ZDHHC15: variants seen among roughly 807,000 people sequenced by gnomAD.
The protein encoded by ZDHHC15 is zDHHC palmitoyltransferase 15, also known as palmitoyltransferase ZDHHC15.
A neutral mutation model predicts 31.7 loss-of-function variants in ZDHHC15; 19 were observed. The observed-to-expected ratio is 0.60, with a 90% CI of 0.42 to 0.88. The LOEUF is 0.88. Ranked by LOEUF, ZDHHC15 falls within the 40% of genes least tolerant of loss-of-function variation. The pLI is 0.00. For synonymous variants in ZDHHC15, 103 were observed against 90.0 expected (o/e 1.14, Z -0.82); for missense variants, 209 against 251.2 (o/e 0.83, Z 1.14).
chrX:75,392,479 C>A (rs1323869959), intron 10 of ZDHHC15, among the ~76,000 whole-genome samples: 1 of 112,014 alleles, frequency 8.9e-6, no homozygotes, highest in Non-Finnish European at 1.9e-5. Context: ...TCAGTCCAAT[C>A]AAGTTGACCA....
Position 75,424,755 on chromosome X carries a change from G to A in ZDHHC15, c.633C>T (p.Phe211=). 8.3e-7 allele frequency: 1 copy of A among 1,203,086 alleles called. No homozygotes were observed. The highest frequency in any genetic ancestry group is 1.1e-6 in the Non-Finnish European group (1 of 891,623). The stretch of plus-strand genomic sequence containing the variant: ...CCACAAAGAGAAGAAAAAGGACATG[G>A]AACTTAGAGCGAACACTGGGTAATT... ...RGELPSVRSK[F]HVLFLLFVAC... is the part of the protein sequence containing the mutation. Residue 211 remains phenylalanine (F), a synonymous_variant, in exon 8 of 12, where the codon TTC becomes TTT. Coordinates refer to ENST00000373367, the MANE Select transcript of ZDHHC15 (RefSeq NM_144969.3).
intron 1 of ZDHHC15, among the ~76,000 whole-genome samples, chrX:75,522,013 C>A (rs2085449292): frequency 9.0e-6 from 1 of 111,077 alleles, no homozygotes; most frequent in African/African-American, 3.3e-5. Context: ...CATCATGTGA[C>A]AATAGCAGGG....
At position 75,383,734 on chromosome X, in the gene ZDHHC15, G is replaced by GTTTTTTT. The variant is rs541238663; in HGVS notation, c.968-4537_968-4536insAAAAAAA. ...ACTACCCCAAATTTAAGAAATGTTA[G>GTTTTTTT]GTTTTTTTTTTTTTTTTTTTTTGAG... On this transcript the variant is annotated intron_variant, in intron 10 of 11. Transcript: ENST00000373367. Among the ~76,000 whole-genome samples the GTTTTTTT allele has an allele frequency of 5.8e-4, 45 of 77,772 alleles. 8 individuals are homozygous for GTTTTTTT. The highest frequency in any genetic ancestry group is 7.9e-4 in the Admixed American group (4 of 5,072). The allele number at this position is 77,772 out of a possible 115,157, so 67.5% of individuals were successfully genotyped here. A position where few individuals can be genotyped will look rare whatever the true frequency, so the allele number is the denominator to read the frequency against.
At chrX:75,396,122 C>T (rs2083296515) in intron 10 of ZDHHC15, among the ~76,000 whole-genome samples, 1 of 111,808 alleles carries the variant, frequency 8.9e-6, no homozygotes, top group Non-Finnish European at 1.9e-5. Context: ...AACACACAGG[C>T]AACCAAAGCA....
intron 10 of ZDHHC15, among the ~76,000 whole-genome samples, 195 bp downstream of exon 10, chrX:75,416,892 G>A (rs1256150799): frequency 9.0e-6 from 1 of 111,428 alleles, no homozygotes; most frequent in African/African-American, 3.3e-5. Flanking sequence ...AAGCTGGTAA[G>A]GAGCCTCCCA....
intron 2 of ZDHHC15, among the ~76,000 whole-genome samples, chrX:75,503,230 G>C (rs902034677): frequency 1.8e-5 from 2 of 110,669 alleles, no homozygotes; most frequent in Non-Finnish European, 3.8e-5. Flanking sequence ...CAGATGATCT[G>C]AGCTTTAGTC....
At chrX:75,483,634 AC>A (rs942850580) in intron 2 of ZDHHC15, among the ~76,000 whole-genome samples, 2 of 111,999 alleles carry the variant, frequency 1.8e-5, no homozygotes, top group Non-Finnish European at 3.8e-5. Flanking sequence ...GATAACGCCT[AC>A]CCACAAGTTT....
chrX:75,484,536 C>T (rs750729305), intron 2 of ZDHHC15, among the ~76,000 whole-genome samples: 7 of 111,949 alleles, frequency 6.3e-5, no homozygotes, highest in African/African-American at 1.9e-4. Flanking sequence ...GAAACTATCA[C>T]CACCACCAAC....
At chrX:75,418,690 A>T (rs897915463) in intron 9 of ZDHHC15, among the ~76,000 whole-genome samples, 1 of 112,206 alleles carries the variant, frequency 8.9e-6, no homozygotes, top group Non-Finnish European at 1.9e-5. Flanking sequence ...ACCTTTGACA[A>T]AAACAAGCAA....
At chrX:75,422,464 C>T (rs2083658015) in intron 8 of ZDHHC15, among the ~76,000 whole-genome samples, 1 of 111,920 alleles carries the variant, frequency 8.9e-6, no homozygotes, top group Admixed American at 9.5e-5. Flanking sequence ...TGAAAGTGTT[C>T]ATGCTGAAGC....
chrX:75,491,790 A>G (rs1405431864), intron 2 of ZDHHC15, among the ~76,000 whole-genome samples: 1 of 110,935 alleles, frequency 9.0e-6, no homozygotes, highest in Admixed American at 9.6e-5. Context: ...TCCTGAAGGA[A>G]GCGCTAAACA....
At chrX:75,492,906 G>C (rs1291700955) in intron 2 of ZDHHC15, among the ~76,000 whole-genome samples, 1 of 111,487 alleles carries the variant, frequency 9.0e-6, no homozygotes, top group African/African-American at 3.3e-5. Context: ...TCAAAAGCTA[G>C]CAGAAGGCAA....
intron 2 of ZDHHC15, among the ~76,000 whole-genome samples, chrX:75,496,085 C>A (rs1055554938): frequency 9.9e-5 from 11 of 110,919 alleles, no homozygotes; most frequent in Admixed American, 9.7e-4. Flanking sequence ...ATCTACCACT[C>A]AAGTATCTCC....
chrX:75,429,984 C>A lies in ZDHHC15; in HGVS notation c.450-4G>T. On this transcript the variant is annotated splice_region_variant and splice_polypyrimidine_tract_variant and intron_variant, in intron 5 of 11. Coordinates refer to ENST00000373367, the MANE Select transcript of ZDHHC15 (RefSeq NM_144969.3). ...ATGATCCATTTTTAACACACACCTACGAAGGGGACAAAATACAGTGTGATA... is the reference window on the plus strand; with the variant it reads ...ATGATCCATTTTTAACACACACCTAAGAAGGGGACAAAATACAGTGTGATA... 2 of 1,206,832 alleles carry A rather than the reference C, an allele frequency of 1.7e-6. No homozygotes were observed. The highest frequency in any genetic ancestry group is 1.1e-6 in the Non-Finnish European group (1 of 892,622).
chrX:75,522,475 C>T (rs1446769418), intron 1 of ZDHHC15, among the ~76,000 whole-genome samples: 1 of 111,147 alleles, frequency 9.0e-6, no homozygotes, highest in Non-Finnish European at 1.9e-5. Flanking sequence ...TGGTGGGGCT[C>T]CTAGTTGGAT....
intron 3 of ZDHHC15, among the ~76,000 whole-genome samples, chrX:75,461,106 G>A (rs776647615): frequency 8.9e-6 from 1 of 111,813 alleles, no homozygotes; most frequent in Admixed American, 9.5e-5. Flanking sequence ...CCGACATGAC[G>A]GAGCTAGAAA....
At chrX:75,490,641 T>G (rs1038677674) in intron 2 of ZDHHC15, among the ~76,000 whole-genome samples, 1 of 111,560 alleles carries the variant, frequency 9.0e-6, no homozygotes, top group Non-Finnish European at 1.9e-5. Flanking sequence ...TGTTCTTCCA[T>G]TTGTTTGTAT....
chrX:75,427,395 C>A (rs1456843172), intron 7 of ZDHHC15, among the ~76,000 whole-genome samples: 1 of 111,999 alleles, frequency 8.9e-6, no homozygotes, highest in Non-Finnish European at 1.9e-5. Context: ...CAAATATTAT[C>A]TTTCAAGAAT....
rs1226843333 is a variant in ZDHHC15, at chrX:75,369,796, T to C, written c.*3182A>G. On this transcript the variant is annotated 3_prime_UTR_variant, in exon 12 of 12. Coordinates refer to ENST00000373367, the MANE Select transcript of ZDHHC15 (RefSeq NM_144969.3). ...GTGACTCTTTCAGAATGTGATCCTGTTGTAATTACTCTCAAAATTCTAACT... is the reference window on the plus strand; with the variant it reads ...GTGACTCTTTCAGAATGTGATCCTGCTGTAATTACTCTCAAAATTCTAACT... 2 of 112,149 alleles carry C rather than the reference T, an allele frequency of 1.8e-5. No homozygotes were observed. The highest frequency in any genetic ancestry group is 2.8e-4 in the East Asian group (1 of 3,577). 9.2% of individuals were successfully genotyped at this position (112,149 alleles called of 1,213,427 possible). A position where few individuals can be genotyped will look rare whatever the true frequency, so the allele number is the denominator to read the frequency against.
Sources: allele counts gnomAD v4.1 joint callset (sites outside exome capture counted in the v4.1 genomes callset), GRCh38; gene constraint gnomAD v4.1.1; transcripts MANE v1.5; gene names NCBI Gene and HGNC (gene_info 2026-07-23, HGNC 2026-07-21).